RYR2: variants seen among roughly 807,000 people sequenced by gnomAD.
RYR2 encodes cardiac muscle ryanodine receptor-calcium release channel.
Under a neutral mutation model 601.1 loss-of-function variants are expected in RYR2, and 227 were observed. The ratio of observed to expected loss-of-function variants is 0.38; its 90% CI spans 0.34 to 0.42. RYR2 has a LOEUF of 0.42. Among genes scored for constraint, RYR2 ranks in the 10% least tolerant of loss-of-function variants. The probability of loss-of-function intolerance (pLI) is 1.00; values close to 1 mark genes in which losing one functional copy is unlikely to be tolerated. For synonymous variants in RYR2, 2,223 were observed against 2,175.1 expected, an observed-to-expected ratio of 1.02 and a Z score of -0.61; for missense variants, 4,646 against 6,156.5, an observed-to-expected ratio of 0.75 and a Z score of 8.21.
At chr1:237,074,077 G>A (rs1041502756) in intron 1 of RYR2, among the ~76,000 whole-genome samples, 7 of 151,964 alleles carry the variant, frequency 4.6e-5, no homozygotes, top group African/African-American at 1.7e-4. Flanking sequence ...AGCTACTCAG[G>A]GGGCAGAGGC....
chr1:237,599,713 C>T (rs1222640874), intron 34 of RYR2, among the ~76,000 whole-genome samples: 2 of 149,532 alleles, frequency 1.3e-5, no homozygotes, highest in Admixed American at 6.7e-5. Context: ...ATCCCACCTA[C>T]TGGGGAGGCT....
In RYR2 at chr1:237,789,920, G is replaced by C. The variant is rs138601215; in HGVS notation, c.13477-1509G>C. Among the ~76,000 whole-genome samples the C allele has an allele frequency of 8.6e-3, 1,304 of 152,304 alleles. 10 individuals are homozygous for C. Among genetic ancestry groups the C allele is most frequent in the South Asian group, 0.02 (94 of 4,820 alleles). ...TCCAAGGACAACCAGTGAAACTGAC[G>C]CAGTCTGGGTGTGGTGGACAGCCTT... On this transcript the variant is annotated intron_variant, in intron 92 of 104. Transcript: ENST00000366574.
intron 27 of RYR2, chr1:237,554,997 G>A (rs959490353): frequency 2.4e-4 from 37 of 152,074 alleles, no homozygotes; most frequent in South Asian, 6.2e-4. Context: ...ATCACCAATC[G>A]TGGATTATTA....
chr1:237,409,334 T>A (rs1384789830), intron 10 of RYR2, among the ~76,000 whole-genome samples: 1 of 152,114 alleles, frequency 6.6e-6, no homozygotes, highest in East Asian at 1.9e-4. Context: ...GAAGTTCCCT[T>A]CTATTCCTCA....
At chr1:237,078,798 A>G (rs1665293450) in intron 1 of RYR2, among the ~76,000 whole-genome samples, 1 of 122,742 alleles carries the variant, frequency 8.1e-6, no homozygotes, top group Admixed American at 8.6e-5. Context: ...TCATTCTGAT[A>G]CCAAAGCTGG....
At chr1:237,346,524 C>T (rs2149646226) in intron 3 of RYR2, among the ~76,000 whole-genome samples, 1 of 152,138 alleles carries the variant, frequency 6.6e-6, no homozygotes, top group South Asian at 2.1e-4. Flanking sequence ...TAAAAGAAAG[C>T]ATTTATACTT....
chr1:237,371,293 C>T (rs994128004), intron 6 of RYR2, among the ~76,000 whole-genome samples: 8 of 152,098 alleles, frequency 5.3e-5, no homozygotes, highest in Non-Finnish European at 1.0e-4. Context: ...GTAGCTAGGA[C>T]TACAGGTGTG....
chr1:237,349,269 A>G (rs1157592222), intron 3 of RYR2, among the ~76,000 whole-genome samples: 1 of 152,200 alleles, frequency 6.6e-6, no homozygotes, highest in African/African-American at 2.4e-5. Context: ...CATTAGAAAA[A>G]GTTGAATCAG....
chr1:237,380,242 T>C (rs991855836), intron 8 of RYR2, among the ~76,000 whole-genome samples: 16 of 149,908 alleles, frequency 1.1e-4, no homozygotes, highest in African/African-American at 3.4e-4. Context: ...AAGAAGTGAG[T>C]TCGTGAAAGG....
At chr1:237,741,113 T>C (rs1461329876) in intron 79 of RYR2, among the ~76,000 whole-genome samples, 1 of 152,200 alleles carries the variant, frequency 6.6e-6, no homozygotes, top group Non-Finnish European at 1.5e-5. Context: ...GTCCTAGGCC[T>C]GCGTCCCCAC....
intron 40 of RYR2, among the ~76,000 whole-genome samples, chr1:237,627,566 A>G (rs905677239): frequency 1.3e-5 from 2 of 152,230 alleles, no homozygotes; most frequent in Admixed American, 6.5e-5. Flanking sequence ...AGCTTATTTA[A>G]TTATAAGAAT....
rs150540798 is a variant in RYR2 at position 237,177,108 on chromosome 1, C to G, written c.49-93389C>G. 3.7e-3 allele frequency among the ~76,000 whole-genome samples: 570 copies of G among 152,186 alleles called. 5 individuals are homozygous for G. The highest frequency in any genetic ancestry group is 0.013 in the African/African-American group (543 of 41,516). On this transcript the variant is annotated intron_variant, in intron 1 of 104. Coordinates refer to ENST00000366574, the MANE Select transcript of RYR2 (RefSeq NM_001035.3). ...CTTATGAACCTCATAAGACATGGAG[C>G]CTGGCTATGGTCACTGTTAGGAGTA... is the stretch of plus-strand genomic sequence containing the variant.
chr1:237,448,879 C>A (rs192331510), intron 14 of RYR2, among the ~76,000 whole-genome samples: 12 of 150,728 alleles, frequency 8.0e-5, no homozygotes, highest in Admixed American at 2.0e-4. Flanking sequence ...AAGTGCATTT[C>A]TTTTAAGCAA....
intron 25 of RYR2, among the ~76,000 whole-genome samples, chr1:237,534,394 C>G (rs930234546): frequency 6.6e-6 from 1 of 151,960 alleles, no homozygotes; most frequent in Non-Finnish European, 1.5e-5. Flanking sequence ...ACACAAATCT[C>G]AGAAACTGAT....
At chr1:237,251,215 C>A (rs535349363) in intron 1 of RYR2, among the ~76,000 whole-genome samples, 1 of 152,134 alleles carries the variant, frequency 6.6e-6, no homozygotes, top group Non-Finnish European at 1.5e-5. Flanking sequence ...ATATCGTCTT[C>A]AGCTACTATA....
intron 10 of RYR2, among the ~76,000 whole-genome samples, chr1:237,408,626 T>G (rs1341038650): frequency 6.6e-6 from 1 of 152,090 alleles, no homozygotes; most frequent in African/African-American, 2.4e-5. Context: ...TCTCCCAACT[T>G]CGTTCTTCTC....
intron 28 of RYR2, among the ~76,000 whole-genome samples, chr1:237,567,131 A>G (rs1572902375): frequency 6.6e-6 from 1 of 152,132 alleles, no homozygotes; most frequent in South Asian, 2.1e-4. Context: ...TGAACATTTA[A>G]TAGCTACAAT....
rs557477179 is a variant in RYR2 at position 237,330,309 on chromosome 1, A to G, written c.169-569A>G. Among the ~76,000 whole-genome samples, 24 of 152,384 alleles carry G rather than the reference A, an allele frequency of 1.6e-4. 1 individual carries two copies. The South Asian group carries it at 4.8e-3, about 30-fold the overall frequency. On this transcript the variant is annotated intron_variant, in intron 2 of 104. Transcript: ENST00000366574. Reference sequence around the variant, plus strand: ...TACAGCTCCCAGGGCAATGCGTATCAGAGTAAGCTGTGTCTCCTTACATTT... The same window carrying G: ...TACAGCTCCCAGGGCAATGCGTATCGGAGTAAGCTGTGTCTCCTTACATTT...
intron 98 of RYR2, among the ~76,000 whole-genome samples, chr1:237,803,593 C>T (rs1342027109): frequency 1.3e-5 from 2 of 152,196 alleles, no homozygotes; most frequent in African/African-American, 2.4e-5. Context: ...AGCCACCACG[C>T]CCAGTCTTGC....
Sources: allele counts gnomAD v4.1 joint callset (sites outside exome capture counted in the v4.1 genomes callset), GRCh38; gene constraint gnomAD v4.1.1; transcripts MANE v1.5; gene names NCBI Gene and HGNC (gene_info 2026-07-23, HGNC 2026-07-21).